Variants in PDSS1 observed in about 807,000 individuals in gnomAD.
The protein encoded by PDSS1 is all trans-polyprenyl-diphosphate synthase PDSS1.
A neutral mutation model predicts 57.5 loss-of-function variants in PDSS1; 43 were observed. That is an observed-to-expected ratio of 0.75 (90% confidence interval 0.59 to 0.96). The LOEUF is 0.96. PDSS1 is among the 50% of genes least tolerant of loss of function. The pLI, the probability that PDSS1 is intolerant of heterozygous loss-of-function variation, is 0.00. For synonymous variants in PDSS1, 175 were observed against 191.3 expected, an observed-to-expected ratio of 0.91 and a Z score of 0.70; for missense variants, 438 against 527.8, an observed-to-expected ratio of 0.83 and a Z score of 1.67.
At chr10:26,739,064 T>C (rs1836497400) in intron 10 of PDSS1, among the ~76,000 whole-genome samples, 1 of 152,250 alleles carries the variant, frequency 6.6e-6, no homozygotes, top group African/African-American at 2.4e-5. Context: ...TCTGCTTCTC[T>C]TCCTTATTTG....
chr10:26,743,022 T>C (rs563815933), intron 11 of PDSS1, among the ~76,000 whole-genome samples: 4 of 152,332 alleles, frequency 2.6e-5, no homozygotes, highest in Non-Finnish European at 5.9e-5. Context: ...TAATTGGGCT[T>C]TCCTAGTCCA....
chr10:26,725,040 T>C (rs1835908014), intron 8 of PDSS1, among the ~76,000 whole-genome samples: 1 of 152,124 alleles, frequency 6.6e-6, no homozygotes, highest in Non-Finnish European at 1.5e-5. Flanking sequence ...TTTTAATGAG[T>C]AATACCTTTA....
chr10:26,735,640 C>A, intron 10 of PDSS1, 61 bp downstream of exon 10: 1 of 924,128 alleles, frequency 1.1e-6, no homozygotes, highest in Non-Finnish European at 1.8e-6. Context: ...TGATGTCCCG[C>A]GGCACAGCTG....
chr10:26,732,466 T>C (rs892257774), intron 8 of PDSS1, among the ~76,000 whole-genome samples: 1 of 152,184 alleles, frequency 6.6e-6, no homozygotes, highest in South Asian at 2.1e-4. Context: ...TTGGACACAT[T>C]CCTTGACCTC....
chr10:26,730,055 G>GGC (rs1836120152), intron 8 of PDSS1, among the ~76,000 whole-genome samples: 1 of 151,610 alleles, frequency 6.6e-6, no homozygotes. Flanking sequence ...TGGGACTACA[G>GGC]GTGCCCGCTA....
chr10:26,705,418 T>C (rs745936380), intron 4 of PDSS1, 24 bp downstream of exon 4: 4 of 1,075,450 alleles, frequency 3.7e-6, no homozygotes, highest in South Asian at 1.3e-5. Context: ...TCTGCTGTGA[T>C]GTAATGTTTT....
At chr10:26,730,293 A>G (rs1211151572) in intron 8 of PDSS1, among the ~76,000 whole-genome samples, 1 of 151,792 alleles carries the variant, frequency 6.6e-6, no homozygotes, top group Non-Finnish European at 1.5e-5. Flanking sequence ...GCGTTTTGTT[A>G]TTGTTGCTGT....
intron 4 of PDSS1, among the ~76,000 whole-genome samples, chr10:26,707,924 C>G (rs1422553019): frequency 6.6e-6 from 1 of 152,236 alleles, no homozygotes; most frequent in East Asian, 1.9e-4. Flanking sequence ...TCCTTCCCCT[C>G]TATGTCCTTC....
chr10:26,744,537 C>T (rs879858061), intron 11 of PDSS1, among the ~76,000 whole-genome samples: 5 of 152,038 alleles, frequency 3.3e-5, no homozygotes, highest in African/African-American at 1.2e-4. Flanking sequence ...ACTACAGGCA[C>T]CCGCCACCAC....
At chr10:26,746,096 T>C (rs1349791631) in intron 11 of PDSS1, among the ~76,000 whole-genome samples, 1 of 152,222 alleles carries the variant, frequency 6.6e-6, no homozygotes, top group African/African-American at 2.4e-5. Flanking sequence ...GTAATATTGA[T>C]GAGCTAGTTG....
intron 11 of PDSS1, among the ~76,000 whole-genome samples, chr10:26,746,007 A>G (rs964870133): frequency 6.6e-6 from 1 of 152,148 alleles, no homozygotes; most frequent in Non-Finnish European, 1.5e-5. Context: ...ACATTTAAAA[A>G]TGTTGTATAA....
rs149084040 is a variant in PDSS1 at position 26,711,797 on chromosome 10, G to A, written c.467+2029G>A. Among the ~76,000 whole-genome samples, 409 of 94,346 alleles carry A rather than the reference G, an allele frequency of 4.3e-3. 108 individuals carry two copies. Among genetic ancestry groups the A allele is most frequent in the African/African-American group, 0.013 (383 of 29,000 alleles). The allele number at this position is 94,346 out of a possible 152,430, so 61.9% of individuals were successfully genotyped here. A position where few individuals can be genotyped will look rare whatever the true frequency, so the allele number is the denominator to read the frequency against. ...AAAATGCCTCCAGATACTGCCAAGT[G>A]TCCCATGGTCCCACGCAGCGCAGAT... On this transcript the variant is annotated intron_variant, in intron 5 of 11. Transcript: ENST00000376215.
At chr10:26,741,911 G>A (rs186119654) in intron 10 of PDSS1, among the ~76,000 whole-genome samples, 22 of 152,200 alleles carry the variant, frequency 1.4e-4, no homozygotes, top group Middle Eastern at 3.4e-3. Context: ...AGTTTCACTC[G>A]TTGTCCAAGG....
rs1247612881 is a variant in PDSS1, at chr10:26,712,524, G to A, written c.467+2756G>A. ...AGCGTCCGGCATGGGGACAAGTCAC[G>A]GTTGTGGCGTGGGTTTGGGTGGTAC... On this transcript the variant is annotated intron_variant, in intron 5 of 11. Coordinates refer to ENST00000376215, the MANE Select transcript of PDSS1 (RefSeq NM_014317.5). 6.1e-5 allele frequency among the ~76,000 whole-genome samples: 6 copies of A among 99,094 alleles called. 1 individual carries two copies. The highest frequency in any genetic ancestry group is 5.0e-4 in the East Asian group (2 of 4,018). The allele number at this position is 99,094 out of a possible 152,430, so 65.0% of individuals were successfully genotyped here.
chr10:26,742,404 T>C, intron 10 of PDSS1, 93 bp from the exon 11 acceptor site: 1 of 917,544 alleles, frequency 1.1e-6, no homozygotes, highest in Non-Finnish European at 1.7e-6. Context: ...TTGTTTCTTG[T>C]TATTTCCTAT....
chr10:26,735,639 G>A (rs1015457706), intron 10 of PDSS1, 60 bp downstream of exon 10: 19 of 929,698 alleles, frequency 2.0e-5, no homozygotes, highest in Admixed American at 5.2e-5. Flanking sequence ...CTGATGTCCC[G>A]CGGCACAGCT....
chr10:26,726,322 C>A (rs1297976649), intron 8 of PDSS1, among the ~76,000 whole-genome samples: 1 of 152,186 alleles, frequency 6.6e-6, no homozygotes, highest in African/African-American at 2.4e-5. Context: ...CCCAGCACTA[C>A]CTCCTTTTCA....
intron 3 of PDSS1, 78 bp from the exon 4 acceptor site, chr10:26,705,208 C>T (rs975921017): frequency 1.5e-4 from 118 of 798,598 alleles, no homozygotes; most frequent in Middle Eastern, 4.5e-4. Flanking sequence ...CTGAATTTTC[C>T]GTATCTGAGT....
At chr10:26,731,192 T>A (rs181448490) in intron 8 of PDSS1, among the ~76,000 whole-genome samples, 117 of 151,848 alleles carry the variant, frequency 7.7e-4, no homozygotes, top group Non-Finnish European at 1.3e-3. Context: ...AGTACAAAAA[T>A]TAGCCAGGTA....
Sources: gnomAD v4.1 joint callset for allele counts (sites outside exome capture counted in the v4.1 genomes callset) on GRCh38, gnomAD v4.1.1 for gene constraint, MANE v1.5 for transcripts, NCBI Gene and HGNC (gene_info 2026-07-23, HGNC 2026-07-21) for gene names.